Variants in UBAP2 observed in about 807,000 individuals in gnomAD.
UBAP2 encodes ubiquitin-associated protein 2.
UBAP2 carries 75 observed loss-of-function variants against 139.6 expected under a neutral mutation model. That is an observed-to-expected ratio of 0.54 (90% CI 0.45 to 0.65). The LOEUF (loss-of-function observed/expected upper bound fraction) is 0.65. Ranked by LOEUF, UBAP2 falls within the 30% of genes least tolerant of loss-of-function variation. The pLI is 0.00. For synonymous variants in UBAP2, 526 were observed against 526.2 expected (o/e 1.00, Z 0.01); for missense variants, 1,368 against 1,369.6 (o/e 1.00, Z 0.02).
Position 33,935,890 on chromosome 9 carries a change from A to G in UBAP2, c.1930-12T>C. On this transcript the variant is annotated splice_polypyrimidine_tract_variant and intron_variant, in intron 16 of 28. Coordinates refer to ENST00000379238, the MANE Select transcript of UBAP2 (RefSeq NM_001370062.2). ...CCACCATGTCCATTCTATAAGGAAAAGAAGAGAAGAGAATATAAACTTACA... is the reference window on the plus strand; with the variant it reads ...CCACCATGTCCATTCTATAAGGAAAGGAAGAGAAGAGAATATAAACTTACA... 2.5e-6 allele frequency: 4 copies of G among 1,610,086 alleles called. No individual in the cohort carries two copies. The highest frequency in any genetic ancestry group is 3.4e-6 in the Non-Finnish European group (4 of 1,179,092).
rs1822768433 is a variant in UBAP2 at position 34,002,202 on chromosome 9, C to T, written c.100-3338G>A. ...CTCCTGAACTCAAGCAATCCTCCTA[C>T]TTCTGCCTCCCAAAGAGCTGGAATT... On this transcript the variant is annotated intron_variant, in intron 2 of 28. Coordinates refer to ENST00000379238, the MANE Select transcript of UBAP2 (RefSeq NM_001370062.2). Among the ~76,000 whole-genome samples, 7 of 152,194 alleles carry T rather than the reference C, an allele frequency of 4.6e-5. No homozygotes were observed. The South Asian group carries it at 1.5e-3, about 32-fold the overall frequency.
intron 1 of UBAP2, among the ~76,000 whole-genome samples, chr9:34,034,598 G>A (rs1351723200): frequency 6.6e-6 from 1 of 152,174 alleles, no homozygotes; most frequent in Non-Finnish European, 1.5e-5. Context: ...CAACTGGCTG[G>A]GCACAGTGGC....
chr9:34,008,071 G>T (rs780351953), intron 2 of UBAP2, among the ~76,000 whole-genome samples: 4 of 151,952 alleles, frequency 2.6e-5, no homozygotes, highest in Non-Finnish European at 2.9e-5. Flanking sequence ...GGAGGCGAAG[G>T]TTGTAGTGAG....
At chr9:33,943,368 T>C (rs1320595114) in intron 15 of UBAP2, 52 bp downstream of exon 15, 1 of 1,559,572 alleles carries the variant, frequency 6.4e-7, no homozygotes, top group Non-Finnish European at 8.8e-7. Context: ...TTCCACCAGT[T>C]GATCTCTCTT....
intron 3 of UBAP2, chr9:33,996,583 A>C: frequency 2.3e-6 from 1 of 434,224 alleles, no homozygotes. Flanking sequence ...GCAGATCATT[A>C]ATCAGCAGCA....
chr9:34,020,760 C>T (rs60800299), intron 1 of UBAP2, among the ~76,000 whole-genome samples: 2,794 of 151,254 alleles, frequency 0.018, 42 homozygotes, highest in African/African-American at 0.042. Flanking sequence ...CCTGGGTTCA[C>T]GCCATTCTCC....
chr9:33,942,896 T>C (rs1424298040), intron 15 of UBAP2, among the ~76,000 whole-genome samples: 1 of 151,986 alleles, frequency 6.6e-6, no homozygotes, highest in Non-Finnish European at 1.5e-5. Flanking sequence ...AGTATGGGAG[T>C]TTCCTGAATG....
intron 1 of UBAP2, among the ~76,000 whole-genome samples, chr9:34,042,960 C>G (rs1324224662): frequency 6.6e-6 from 1 of 151,786 alleles, no homozygotes; most frequent in Admixed American, 6.6e-5. Flanking sequence ...CCAAGCTACT[C>G]AGGAGGCTGA....
intron 8 of UBAP2, among the ~76,000 whole-genome samples, chr9:33,966,087 T>C (rs942414736): frequency 6.6e-6 from 1 of 151,680 alleles, no homozygotes; most frequent in African/African-American, 2.4e-5. Flanking sequence ...GTCTTAGAAC[T>C]TTTTTTTCCT....
chr9:33,961,462 A>G (rs1827039076), intron 9 of UBAP2, among the ~76,000 whole-genome samples: 1 of 152,228 alleles, frequency 6.6e-6, no homozygotes, highest in East Asian at 1.9e-4. Context: ...GTCAGTACAC[A>G]GGATGCGCTC....
chr9:33,954,742 G>A (rs1227466375), intron 11 of UBAP2, among the ~76,000 whole-genome samples: 2 of 152,126 alleles, frequency 1.3e-5, no homozygotes, highest in African/African-American at 4.8e-5. Flanking sequence ...TAGAGAATAT[G>A]TGCATTTAAC....
At chr9:33,997,145 A>C (rs994639375) in intron 3 of UBAP2, 8 of 152,310 alleles carry the variant, frequency 5.3e-5, no homozygotes, top group African/African-American at 1.9e-4. Flanking sequence ...ACTCCTAGAC[A>C]TATTTTCTCA....
intron 2 of UBAP2, among the ~76,000 whole-genome samples, chr9:33,999,716 T>C (rs895644809): frequency 1.3e-5 from 2 of 151,864 alleles, no homozygotes; most frequent in African/African-American, 4.8e-5. Context: ...CTCTTCACGA[T>C]TTTTTCTTTT....
intron 2 of UBAP2, among the ~76,000 whole-genome samples, chr9:34,003,944 T>G (rs1822953073): frequency 6.6e-6 from 1 of 151,906 alleles, no homozygotes; most frequent in South Asian, 2.1e-4. Flanking sequence ...GGTCTCAAAC[T>G]CCTGACCTCA....
intron 6 of UBAP2, among the ~76,000 whole-genome samples, chr9:33,978,956 C>T (rs1257898229): frequency 6.6e-6 from 1 of 152,092 alleles, no homozygotes; most frequent in Admixed American, 6.6e-5. Context: ...AATTCATTAC[C>T]AGCCAAAGCA....
At position 33,981,154 on chromosome 9, in the gene UBAP2, TA is replaced by T. The variant is rs1487325921; in HGVS notation, c.520+5605del. 4.2e-4 allele frequency among the ~76,000 whole-genome samples: 16 copies of T among 38,326 alleles called. 4 individuals are homozygous for T. The highest frequency in any genetic ancestry group is 7.0e-4 in the Non-Finnish European group (14 of 20,118). 25.1% of individuals were successfully genotyped at this position (38,326 alleles called of 152,430 possible). A position where few individuals can be genotyped will look rare whatever the true frequency, so the allele number is the denominator to read the frequency against. On this transcript the variant is annotated intron_variant, in intron 6 of 28. Transcript: ENST00000379238. ...TATATATATTCTGGATATATATATATATATTCTGGATATATATATATATATT... is the reference window on the plus strand; with the variant it reads ...TATATATATTCTGGATATATATATATTATTCTGGATATATATATATATATT...
intron 6 of UBAP2, among the ~76,000 whole-genome samples, chr9:33,979,007 G>A (rs1367058436): frequency 6.6e-6 from 1 of 152,176 alleles, no homozygotes; most frequent in East Asian, 1.9e-4. Context: ...GGAGGCCAAG[G>A]GAGGAGGACT....
Position 33,924,194 on chromosome 9 carries a change from G to A in UBAP2, c.2590+12C>T. On this transcript the variant is annotated intron_variant, in intron 23 of 28. Transcript: ENST00000379238. ...GGCCCCGGGCTACTCCTCATCCATT[G>A]AGCAAACTCACCTGGATATGGATTA... 1 of 1,613,972 alleles carries A rather than the reference G, an allele frequency of 6.2e-7. No individual in the cohort carries two copies. The highest frequency in any genetic ancestry group is 8.5e-7 in the Non-Finnish European group (1 of 1,179,864).
At chr9:33,987,259 A>T (rs1338594013) in intron 5 of UBAP2, among the ~76,000 whole-genome samples, 1 of 152,104 alleles carries the variant, frequency 6.6e-6, no homozygotes, top group African/African-American at 2.4e-5. Context: ...AAAAAATATA[A>T]AAATTAGCCA....
Sources: gnomAD v4.1 joint callset for allele counts (sites outside exome capture counted in the v4.1 genomes callset) on GRCh38, gnomAD v4.1.1 for gene constraint, MANE v1.5 for transcripts, NCBI Gene and HGNC (gene_info 2026-07-23, HGNC 2026-07-21) for gene names.